The following XRCC2 variants were observed in gnomAD, a reference collection of about 807,000 sequenced individuals.
XRCC2 encodes X-ray repair cross complementing 2.
Under a neutral mutation model 27.3 loss-of-function variants are expected in XRCC2, and 24 were observed. That is an observed-to-expected ratio of 0.88 (90% CI 0.64 to 1.24). The LOEUF (loss-of-function observed/expected upper bound fraction) is 1.24, where lower values mean the gene tolerates loss of function less well. XRCC2 is among the 50% of genes most tolerant of loss of function. XRCC2 has a pLI of 0.00. For missense variants in XRCC2, 321 were observed against 325.8 expected, an observed-to-expected ratio of 0.99 and a Z score of 0.11; for synonymous variants, 106 against 115.4, an observed-to-expected ratio of 0.92 and a Z score of 0.52.
rs189416874 is a variant in XRCC2 at position 152,661,596 on chromosome 7, A to C, written c.40-814T>G. On this transcript the variant is annotated intron_variant, in intron 1 of 2. Coordinates refer to ENST00000359321, the MANE Select transcript of XRCC2 (RefSeq NM_005431.2). ...AGAAACAGGAGCAGCCACAGTGCAG[A>C]GGTTATAAATAGCATTGTGCATAGG... 2.8e-3 allele frequency among the ~76,000 whole-genome samples: 425 copies of C among 152,296 alleles called. 2 individuals are homozygous for C. Among genetic ancestry groups the C allele is most frequent in the African/African-American group, 9.7e-3 (402 of 41,568 alleles).
intron 1 of XRCC2, among the ~76,000 whole-genome samples, chr7:152,668,027 C>CAAAA (rs59503175): frequency 9.5e-6 from 1 of 105,664 alleles, no homozygotes. Flanking sequence ...GACTCCATCT[C>CAAAA]AAAAAAAAAA....
In XRCC2 at chr7:152,646,233, C is replaced by T. The variant is rs2098025789; in HGVS notation, c.*2409G>A. ...CCCGGACAATGCAAGGACCTTAGCACACTAATTCTTCTGCTCCTAATGTCA... is the reference window on the plus strand; with the variant it reads ...CCCGGACAATGCAAGGACCTTAGCATACTAATTCTTCTGCTCCTAATGTCA... On this transcript the variant is annotated 3_prime_UTR_variant, in exon 3 of 3. Coordinates refer to ENST00000359321, the MANE Select transcript of XRCC2 (RefSeq NM_005431.2). 2 of 151,984 alleles carry T rather than the reference C, an allele frequency of 1.3e-5. No homozygotes were observed. Among genetic ancestry groups the T allele is most frequent in the African/African-American group, 4.8e-5 (2 of 41,356 alleles). 9.4% of individuals were successfully genotyped at this position (151,984 alleles called of 1,614,324 possible).
At position 152,665,487 on chromosome 7, in the gene XRCC2, C is replaced by CTTTTTTT. The variant is rs66692067; in HGVS notation, c.40-4712_40-4706dup. Among the ~76,000 whole-genome samples, 123 of 84,330 alleles carry CTTTTTTT rather than the reference C, an allele frequency of 1.5e-3. 9 individuals are homozygous for CTTTTTTT. The highest frequency in any genetic ancestry group is 3.2e-3 in the African/African-American group (72 of 22,572). 55.3% of individuals were successfully genotyped at this position (84,330 alleles called of 152,430 possible). ...ATTTCACTCCAACTGTAAGACAAAC[C>CTTTTTTT]TTTTTTTTTTTTTTTTTTTTTTTAG... On this transcript the variant is annotated intron_variant, in intron 1 of 2. Coordinates refer to ENST00000359321, the MANE Select transcript of XRCC2 (RefSeq NM_005431.2).
chr7:152,644,811 T>C lies in XRCC2; in HGVS notation c.*3831A>G, dbSNP rs1014275840. ...TCTGTCTTTAGTAGTGGTATTTCCATTTACAAAACATAGTAATTCTTGATC... is the reference window on the plus strand; with the variant it reads ...TCTGTCTTTAGTAGTGGTATTTCCACTTACAAAACATAGTAATTCTTGATC... On this transcript the variant is annotated 3_prime_UTR_variant, in exon 3 of 3. Transcript: ENST00000359321. The C allele has an allele frequency of 6.6e-6, 1 of 152,226 alleles. No individual in the cohort carries two copies. Among genetic ancestry groups the C allele is most frequent in the African/African-American group, 2.4e-5 (1 of 41,472 alleles). The allele number at this position is 152,226 out of a possible 1,614,324, so 9.4% of individuals were successfully genotyped here. A position where few individuals can be genotyped will look rare whatever the true frequency, so the allele number is the denominator to read the frequency against.
chr7:152,663,245 G>T (rs543019552), intron 1 of XRCC2, among the ~76,000 whole-genome samples: 1 of 147,750 alleles, frequency 6.8e-6, no homozygotes, highest in African/African-American at 2.5e-5. Flanking sequence ...GACAGCTAGC[G>T]TAATCAAGGC....
At chr7:152,657,692 A>T (rs3218483) in intron 2 of XRCC2, among the ~76,000 whole-genome samples, 2 of 152,236 alleles carry the variant, frequency 1.3e-5, no homozygotes, top group Admixed American at 1.3e-4. Flanking sequence ...ATACCTATAC[A>T]GTAAACAAAG....
At chr7:152,665,172 C>T (rs146170379) in intron 1 of XRCC2, among the ~76,000 whole-genome samples, 82 of 152,218 alleles carry the variant, frequency 5.4e-4, no homozygotes, top group East Asian at 1.7e-3. Context: ...CCCATTTGGT[C>T]CCTTCCAAGT....
intron 2 of XRCC2, among the ~76,000 whole-genome samples, chr7:152,654,288 A>AAAAG: frequency 6.6e-6 from 1 of 152,202 alleles, no homozygotes; most frequent in South Asian, 2.1e-4. Context: ...ATAATAGAGA[A>AAAAG]AAAACAAAAA....
Position 152,648,664 on chromosome 7 carries a change from T to C in XRCC2, c.821A>G (p.Glu274Gly), listed in dbSNP as rs1064794061. 1 of 1,605,492 alleles carries C rather than the reference T, an allele frequency of 6.2e-7. No individual in the cohort carries two copies. ...ATATCAACAAAATTCAACCCCACTT[T>C]CTCCAATAATAAAAAAATGTTTTTT... ...SLKKHFFIIG[E>G]SGVEFC The change falls in exon 3 of 3, where the codon GAA becomes GGA. Residue 274 changes from glutamate (E) to glycine (G), a missense_variant. Coordinates refer to ENST00000359321, the MANE Select transcript of XRCC2 (RefSeq NM_005431.2).
chr7:152,663,982 T>C (rs1590135634), intron 1 of XRCC2: 1 of 152,282 alleles, frequency 6.6e-6, no homozygotes, highest in African/African-American at 2.4e-5. Flanking sequence ...ATGCAGGCGG[T>C]TGACTATGTC....
In XRCC2 at chr7:152,649,142, AT is replaced by A. The variant is rs1470733232; in HGVS notation, c.342del (p.Arg114SerfsTer20). The A allele has an allele frequency of 6.2e-7, 1 of 1,613,714 alleles. No individual in the cohort carries two copies. The highest frequency in any genetic ancestry group is 2.2e-5 in the East Asian group (1 of 44,888). On this transcript the variant is annotated frameshift_variant, in exon 3 of 3. Transcript: ENST00000359321. LOFTEE classifies it high-confidence loss of function. ...SEEIIKYCLG[R>X]FFLVYCSSST... ...CTACTACTGCAGTACACCAAAAAAA[AT>A]CTTCCCAGGCAGTATTTGATTATTT...
intron 1 of XRCC2, among the ~76,000 whole-genome samples, chr7:152,667,716 C>A (rs1229620771): frequency 2.6e-5 from 4 of 151,882 alleles, no homozygotes; most frequent in Non-Finnish European, 4.4e-5. Context: ...AATTCACAAG[C>A]CAAGCAAATT....
In XRCC2 at chr7:152,660,756, ACTT is replaced by A. The variant is rs756266778; in HGVS notation, c.63_65del (p.Arg21del). 6.2e-7 allele frequency: 1 copy of A among 1,613,420 alleles called. No homozygotes were observed. Among genetic ancestry groups the A allele is most frequent in the Non-Finnish European group, 8.5e-7 (1 of 1,179,836 alleles). ...GATTTGGTTCTATTTCTTTCAAGGA[ACTT>A]CTACCTTCAAGTCGGGCAAGGAGCT... is the stretch of plus-strand genomic sequence containing the variant. On this transcript the variant is annotated inframe_deletion, in exon 2 of 3. Transcript: ENST00000359321.
chr7:152,662,085 C>T (rs2098033355), intron 1 of XRCC2, among the ~76,000 whole-genome samples: 1 of 152,134 alleles, frequency 6.6e-6, no homozygotes, highest in Non-Finnish European at 1.5e-5. Context: ...CTGCCTCAGC[C>T]TCCTGAGTAG....
chr7:152,674,129 T>C (rs182419075), intron 1 of XRCC2, among the ~76,000 whole-genome samples: 1 of 152,116 alleles, frequency 6.6e-6, no homozygotes, highest in South Asian at 2.1e-4. Flanking sequence ...CTATTCACCA[T>C]TCCACCCCAC....
chr7:152,659,506 GT>G (rs1362859545), intron 2 of XRCC2, among the ~76,000 whole-genome samples: 5 of 152,122 alleles, frequency 3.3e-5, no homozygotes, highest in African/African-American at 1.2e-4. Context: ...AGGATCTGAC[GT>G]TTCTTCAAAG....
intron 1 of XRCC2, among the ~76,000 whole-genome samples, chr7:152,665,784 GGTCTTAA>G (rs1480560332): frequency 1.6e-5 from 2 of 126,242 alleles, no homozygotes; most frequent in East Asian, 4.7e-4. Flanking sequence ...ACCTGGCCAA[GGTCTTAA>G]GATTTTATAT....
In XRCC2 at chr7:152,660,687, G is replaced by A; in HGVS notation, c.121+14C>T. 1 of 1,598,010 alleles carries A rather than the reference G, an allele frequency of 6.3e-7. No homozygotes were observed. The highest frequency in any genetic ancestry group is 8.5e-7 in the Non-Finnish European group (1 of 1,172,616). The stretch of plus-strand genomic sequence containing the variant: ...AAGATTTGCATTTATTTATATAAAG[G>A]TTGTATTTTTTACCATGCACAGGTG... On this transcript the variant is annotated intron_variant, in intron 2 of 2. Coordinates refer to ENST00000359321, the MANE Select transcript of XRCC2 (RefSeq NM_005431.2).
At chr7:152,670,510 A>G (rs915912196) in intron 1 of XRCC2, among the ~76,000 whole-genome samples, 2 of 152,218 alleles carry the variant, frequency 1.3e-5, no homozygotes, top group Non-Finnish European at 2.9e-5. Context: ...CCGTGAGTAC[A>G]CATCCTTATG....
Sources: gnomAD v4.1 joint callset for allele counts (sites outside exome capture counted in the v4.1 genomes callset) on GRCh38, gnomAD v4.1.1 for gene constraint, MANE v1.5 for transcripts, NCBI Gene and HGNC (gene_info 2026-07-23, HGNC 2026-07-21) for gene names.